The following RFX3 variants were observed in gnomAD, a reference collection of about 807,000 sequenced individuals.
RFX3 encodes transcription factor RFX3.
RFX3 carries 14 observed loss-of-function variants against 98.6 expected under a neutral mutation model. The ratio of observed to expected loss-of-function variants is 0.14; its 90% CI spans 0.09 to 0.22. RFX3 has a LOEUF of 0.22. Ranked by LOEUF, RFX3 falls within the 10% of genes least tolerant of loss-of-function variation. RFX3 has a pLI of 1.00. For synonymous variants in RFX3, 383 were observed against 328.4 expected (o/e 1.17, Z -1.80); for missense variants, 639 against 926.9 (o/e 0.69, Z 4.03).
At chr9:3,288,331 C>T in intron 6 of RFX3, 81 bp from the exon 7 acceptor site, 1 of 1,335,150 alleles carries the variant, frequency 7.5e-7, no homozygotes, top group Non-Finnish European at 1.1e-6. Context: ...TTAAACTTCA[C>T]ACTTGGAAAA....
At chr9:3,403,919 G>A (rs539872184) in intron 1 of RFX3, among the ~76,000 whole-genome samples, 5 of 152,192 alleles carry the variant, frequency 3.3e-5, no homozygotes, top group Admixed American at 2.0e-4. Flanking sequence ...CAATGACAGT[G>A]TTCCTCTAGA....
intron 4 of RFX3, among the ~76,000 whole-genome samples, chr9:3,320,788 T>TAA (rs1347618509): frequency 7.4e-6 from 1 of 134,576 alleles, no homozygotes; most frequent in Non-Finnish European, 1.6e-5. Context: ...TATATATATA[T>TAA]ATATATATAT....
In RFX3 at chr9:3,219,292, G is replaced by A. The variant is rs1268820046; in HGVS notation, c.*5750C>T. The A allele has an allele frequency of 6.6e-6, 1 of 151,996 alleles. No homozygotes were observed. Among genetic ancestry groups the A allele is most frequent in the Non-Finnish European group, 1.5e-5 (1 of 67,978 alleles). 9.4% of individuals were successfully genotyped at this position (151,996 alleles called of 1,614,324 possible). A position where few individuals can be genotyped will look rare whatever the true frequency, so the allele number is the denominator to read the frequency against. On this transcript the variant is annotated 3_prime_UTR_variant, in exon 17 of 17. Transcript: ENST00000617270. ...ATTTACTGAAGGAAAAATTTACTTG[G>A]TTATCAACAGTCAATGGGAGTTTTT...
At chr9:3,261,222 A>C (rs1441697714) in intron 13 of RFX3, among the ~76,000 whole-genome samples, 1 of 152,088 alleles carries the variant, frequency 6.6e-6, no homozygotes, top group Non-Finnish European at 1.5e-5. Context: ...AAAGTTGTAC[A>C]TCACTGACCA....
At chr9:3,362,703 G>C (rs1451133790) in intron 2 of RFX3, among the ~76,000 whole-genome samples, 1 of 152,154 alleles carries the variant, frequency 6.6e-6, no homozygotes, top group African/African-American at 2.4e-5. Flanking sequence ...ATAGCAGTAG[G>C]GTCCTGGCTC....
At chr9:3,451,374 C>T (rs1846612065) in intron 1 of RFX3, among the ~76,000 whole-genome samples, 1 of 151,982 alleles carries the variant, frequency 6.6e-6, no homozygotes, top group African/African-American at 2.4e-5. Context: ...GGTGAAACCC[C>T]ATCTCTCAAA....
At chr9:3,321,034 C>G (rs180773354) in intron 4 of RFX3, among the ~76,000 whole-genome samples, 23 of 151,926 alleles carry the variant, frequency 1.5e-4, no homozygotes, top group Admixed American at 1.2e-3. Flanking sequence ...TCCCAAGTAG[C>G]TGAGATTACA....
intron 1 of RFX3, chr9:3,490,205 T>C (rs1008638473): frequency 1.4e-5 from 6 of 433,010 alleles, no homozygotes; most frequent in Non-Finnish European, 1.8e-5. Context: ...TGAGACTCCA[T>C]ATATGACATC....
chr9:3,469,258 G>A, intron 1 of RFX3: 1 of 443,594 alleles, frequency 2.3e-6, no homozygotes, highest in African/African-American at 2.0e-5. Flanking sequence ...AATACGTTAT[G>A]CTTCTGTGTT....
chr9:3,247,363 T>A, intron 15 of RFX3: 1 of 981,664 alleles, frequency 1.0e-6, no homozygotes, highest in Non-Finnish European at 1.2e-6. Flanking sequence ...AGCATATGGG[T>A]TTGAAAATCA....
At chr9:3,341,182 C>G (rs1023748269) in intron 3 of RFX3, among the ~76,000 whole-genome samples, 6 of 151,962 alleles carry the variant, frequency 3.9e-5, no homozygotes, top group African/African-American at 1.5e-4. Context: ...CATGTTCTCA[C>G]TCACAGGCGG....
At chr9:3,415,106 G>GTATA (rs1157171981) in intron 1 of RFX3, among the ~76,000 whole-genome samples, 1 of 80,334 alleles carries the variant, frequency 1.2e-5, no homozygotes, top group Non-Finnish European at 2.0e-5. Flanking sequence ...TCATATATAA[G>GTATA]TATATATATA....
At chr9:3,322,737 G>GA (rs996750048) in intron 4 of RFX3, among the ~76,000 whole-genome samples, 20 of 150,836 alleles carry the variant, frequency 1.3e-4, no homozygotes, top group East Asian at 1.9e-4. Context: ...CATCTCGAAA[G>GA]AAAAAAAAAT....
intron 7 of RFX3, among the ~76,000 whole-genome samples, chr9:3,286,146 T>C (rs971699756): frequency 6.6e-6 from 1 of 151,814 alleles, no homozygotes; most frequent in Non-Finnish European, 1.5e-5. Flanking sequence ...TTTTTCTTGA[T>C]TTCACCATCA....
At chr9:3,448,814 C>G (rs1280472017) in intron 1 of RFX3, among the ~76,000 whole-genome samples, 6 of 152,120 alleles carry the variant, frequency 3.9e-5, no homozygotes, top group Admixed American at 3.9e-4. Flanking sequence ...GCCACTGCAC[C>G]CAGCCATAAC....
intron 1 of RFX3, among the ~76,000 whole-genome samples, chr9:3,493,994 T>A (rs1850935429): frequency 6.6e-6 from 1 of 152,068 alleles, no homozygotes; most frequent in Non-Finnish European, 1.5e-5. Context: ...CATAACCCTT[T>A]TTCTTTCCAT....
intron 7 of RFX3, among the ~76,000 whole-genome samples, chr9:3,280,204 C>T (rs111517328): frequency 5.6e-4 from 85 of 151,858 alleles, no homozygotes; most frequent in African/African-American, 1.9e-3. Flanking sequence ...ATATGTTATG[C>T]CTCCTGGGAA....
In RFX3 at chr9:3,393,732, T is replaced by C. The variant is rs958966797; in HGVS notation, c.117+1740A>G. 6.1e-5 allele frequency among the ~76,000 whole-genome samples: 9 copies of C among 147,040 alleles called. 1 individual carries two copies. Among genetic ancestry groups the C allele is most frequent in the African/African-American group, 2.4e-4 (9 of 38,002 alleles). ...TCATTTTTAATGGTTAAAAAATATA[T>C]ATAAAAAGATAAAAACATAACCAAT... is the stretch of plus-strand genomic sequence containing the variant. On this transcript the variant is annotated intron_variant, in intron 2 of 16. Coordinates refer to ENST00000617270, the MANE Select transcript of RFX3 (RefSeq NM_001282116.2).
chr9:3,330,423 T>C lies in RFX3; in HGVS notation c.310A>G (p.Thr104Ala), dbSNP rs771227145. The C allele has an allele frequency of 6.2e-7, 1 of 1,614,004 alleles. No homozygotes were observed. The highest frequency in any genetic ancestry group is 8.5e-7 in the Non-Finnish European group (1 of 1,180,020). ...FDTQGSSAQV[T>A]TVVSSHSMVG... ...ATACTGTGGGATGAGACCACGGTAG[T>C]CACCTGGGCGGAACTCCCTTGAGTA... Residue 104 changes from threonine (T) to alanine (A), a missense_variant, in exon 4 of 17, where the codon ACT (threonine) becomes GCT (alanine). Physicochemically the swap from Thr to Ala is moderately conservative, Grantham distance 58 (BLOSUM62 0). Coordinates refer to ENST00000617270, the MANE Select transcript of RFX3 (RefSeq NM_001282116.2).
Sources: allele counts gnomAD v4.1 joint callset (sites outside exome capture counted in the v4.1 genomes callset), GRCh38; gene constraint gnomAD v4.1.1; transcripts MANE v1.5; gene names NCBI Gene and HGNC (gene_info 2026-07-23, HGNC 2026-07-21).